The following A2ML1 variants were observed in gnomAD, a reference collection of about 807,000 sequenced individuals.
A2ML1 encodes the protein alpha-2-macroglobulin like 1.
Under a neutral mutation model 181.9 loss-of-function variants are expected in A2ML1, and 161 were observed. The observed-to-expected ratio is 0.89, with a 90% CI of 0.78 to 1.01. The LOEUF (loss-of-function observed/expected upper bound fraction) is 1.01, where lower values mean the gene tolerates loss of function less well. Ranked by LOEUF, A2ML1 falls within the 50% of genes least tolerant of loss-of-function variation. A2ML1 has a pLI of 0.00. For missense variants in A2ML1, 1,670 were observed against 1,768.1 expected (o/e 0.94, Z 1.00); for synonymous variants, 663 against 666.8 (o/e 0.99, Z 0.09).
downstream of A2ML1, among the ~76,000 whole-genome samples, chr12:8,877,647 C>A (rs1944825986): frequency 1.3e-5 from 2 of 152,128 alleles, no homozygotes; most frequent in South Asian, 4.2e-4. Flanking sequence ...ATACCATCCA[C>A]ACTAGTTAGA....
intron 30 of A2ML1, 59 bp from the exon 31 acceptor site, chr12:8,868,171 C>T: frequency 1.2e-6 from 2 of 1,611,352 alleles, no homozygotes; most frequent in Admixed American, 1.7e-5. Context: ...GTAGTTTGAA[C>T]TGTACAATCT....
In A2ML1 at chr12:8,854,165, C is replaced by G. The variant is rs1197986746; in HGVS notation, c.2628C>G (p.Asp876Glu). Residue 876 changes from aspartate to glutamate, a missense_variant, in exon 21 of 36, where the codon GAC (aspartate) becomes GAG (glutamate). By Grantham distance (45) the Asp-to-Glu change is conservative. Coordinates refer to ENST00000299698, the MANE Select transcript of A2ML1 (RefSeq NM_144670.6). ...TTACTATTAGTACAAAGATTCTGGA[C>G]AGCAATGAACCATGTGGGGGCCAGA... ...INFTISTKIL[D>E]SNEPCGGQKG... The G allele has an allele frequency of 1.2e-6, 2 of 1,605,164 alleles. No individual in the cohort carries two copies. Among genetic ancestry groups the G allele is most frequent in the East Asian group, 2.2e-5 (1 of 44,596 alleles).
rs1051912844 is a variant in A2ML1 at position 8,874,637 on chromosome 12, A to G, written c.4324+110A>G. ...TTAATTTTACAAATACTCCTTCCCA[A>G]GCCAAGTAGCACATAATTAAATTAT... On this transcript the variant is annotated intron_variant, in intron 34 of 35. Coordinates refer to ENST00000299698, the MANE Select transcript of A2ML1 (RefSeq NM_144670.6). The G allele has an allele frequency of 5.4e-5, 43 of 799,048 alleles. 1 individual carries two copies. The highest frequency in any genetic ancestry group is 3.7e-4 in the Admixed American group (14 of 37,406). The allele number at this position is 799,048 out of a possible 1,614,324, so 49.5% of individuals were successfully genotyped here. A position where few individuals can be genotyped will look rare whatever the true frequency, so the allele number is the denominator to read the frequency against.
rs1435627448 is a variant in A2ML1 at position 8,852,007 on chromosome 12, A to T, written c.2458A>T (p.Ile820Phe). 1 of 1,613,924 alleles carries T rather than the reference A, an allele frequency of 6.2e-7. No homozygotes were observed. Among genetic ancestry groups the T allele is most frequent in the Non-Finnish European group, 8.5e-7 (1 of 1,179,896 alleles). ...ATIFNYLKDC[I>F]RVQTDLAKSH... ...CATCTTCAATTACCTAAAGGATTGC[A>T]TCAGGGTGAGAGCTGGGGATACAGG... Residue 820 changes from isoleucine (I) to phenylalanine (F), a missense_variant, in exon 19 of 36, where the codon ATC (isoleucine) becomes TTC (phenylalanine). Coordinates refer to ENST00000299698, the MANE Select transcript of A2ML1 (RefSeq NM_144670.6). The surrounding 1 kb of genome is among the most constrained non-coding windows in gnomAD (Gnocchi z 4.2).
chr12:8,859,130 A>G (rs911712142), intron 26 of A2ML1, among the ~76,000 whole-genome samples: 1 of 151,832 alleles, frequency 6.6e-6, no homozygotes, highest in African/African-American at 2.4e-5. Flanking sequence ...TCTTCTGTTC[A>G]CTACCTTGTC....
chr12:8,857,388 C>T (rs1944104845), intron 24 of A2ML1, 48 bp downstream of exon 24: 2 of 1,587,884 alleles, frequency 1.3e-6, no homozygotes, highest in Admixed American at 3.4e-5. Flanking sequence ...TCCACTAGGC[C>T]CTATGACAGA....
chr12:8,854,221 A>G lies in A2ML1; in HGVS notation c.2684A>G (p.Asp895Gly), dbSNP rs755224931. The change falls in exon 21 of 36, where the codon GAC becomes GGC. Residue 895 changes from aspartate to glycine, a missense_variant. Physicochemically the swap from Asp to Gly is moderately conservative, Grantham distance 94. Coordinates refer to ENST00000299698, the MANE Select transcript of A2ML1 (RefSeq NM_144670.6). Reference sequence around the variant, plus strand: ...TTTGTTCCCCAAAAGGGCCGAAGTGACACGCTCATCAAGCCAGTTCTCGTC... The same window carrying G: ...TTTGTTCCCCAAAAGGGCCGAAGTGGCACGCTCATCAAGCCAGTTCTCGTC... ...KGFVPQKGRSDTLIKPVLVKP... is the reference protein window; with the variant it reads ...KGFVPQKGRSGTLIKPVLVKP... 6.2e-7 allele frequency: 1 copy of G among 1,608,548 alleles called. No homozygotes were observed. Among genetic ancestry groups the G allele is most frequent in the Non-Finnish European group, 8.5e-7 (1 of 1,177,272 alleles).
Position 8,867,588 on chromosome 12 carries a change from A to G in A2ML1, c.3718-254A>G, listed in dbSNP as rs778486993. On this transcript the variant is annotated intron_variant, in intron 29 of 35. Coordinates refer to ENST00000299698, the MANE Select transcript of A2ML1 (RefSeq NM_144670.6). ...CTTGAACCCAGGAAGCGGAGGTTGC[A>G]ATGAGCTGAGATCGTGCCATTGCAC... 6.6e-5 allele frequency among the ~76,000 whole-genome samples: 10 copies of G among 152,310 alleles called. No individual in the cohort carries two copies. In the South Asian group the frequency reaches 1.9e-3, roughly 28 times the overall value.
chr12:8,841,530 T>C lies in A2ML1; in HGVS notation c.1242T>C (p.Ser414=). The change falls in exon 11 of 36, where the codon TCT becomes TCC. Residue 414 remains serine, a synonymous_variant. Coordinates refer to ENST00000299698, the MANE Select transcript of A2ML1 (RefSeq NM_144670.6). ...ETSGWNGTDV[S]LEGKFQMEDL... ...CCGGTTGGAATGGGACAGACGTTTC[T>C]CTGGAGGTAAGCATGGACGGAGGAC... The C allele has an allele frequency of 6.2e-7, 1 of 1,612,610 alleles. No homozygotes were observed. The highest frequency in any genetic ancestry group is 1.7e-5 in the Admixed American group (1 of 59,760).
chr12:8,836,460 G>T, intron 7 of A2ML1, 121 bp downstream of exon 7: 13 of 645,006 alleles, frequency 2.0e-5, no homozygotes, highest in East Asian at 3.0e-5. Context: ...ATGTAATTCA[G>T]AGTCATGGCT....
rs769801611 is a variant in A2ML1 at position 8,843,377 on chromosome 12, G to A, written c.1476+16G>A. 1.3e-5 allele frequency: 21 copies of A among 1,609,374 alleles called. No individual in the cohort carries two copies. The highest frequency in any genetic ancestry group is 6.7e-5 in the Admixed American group (4 of 59,914). ...CTCCTACTATGTGAGACCGGGAAAC[G>A]GGGACGGGTGAGAGTATGCTGGGAA... On this transcript the variant is annotated intron_variant, in intron 12 of 35. Transcript: ENST00000299698.
intron 16 of A2ML1, 79 bp from the exon 17 acceptor site, chr12:8,849,590 G>C: frequency 8.8e-7 from 1 of 1,139,638 alleles, no homozygotes. Context: ...TCAACTCTTT[G>C]ATGGTGGAAT....
chr12:8,880,901 A>G (rs1164123006), downstream of A2ML1, among the ~76,000 whole-genome samples: 2 of 152,208 alleles, frequency 1.3e-5, no homozygotes, highest in Non-Finnish European at 1.5e-5. Flanking sequence ...GAGGCTTTTT[A>G]TGGAATATGT....
rs1555109423 is a variant in A2ML1, at chr12:8,841,021, A to AGGAAGGACAGAC, written c.1081-341_1081-340insCAGACGGAAGGA. On this transcript the variant is annotated intron_variant, in intron 10 of 35. Coordinates refer to ENST00000299698, the MANE Select transcript of A2ML1 (RefSeq NM_144670.6). ...AAGGAAGGAAGGAAGGACGGAAGGAAGGAAGGAAGGAAGGAAAGAAAAAAG... is the reference window on the plus strand; with the variant it reads ...AAGGAAGGAAGGAAGGACGGAAGGAAGGAAGGACAGACGGAAGGAAGGAAGGAAAGAAAAAAG... 4.9e-5 allele frequency among the ~76,000 whole-genome samples: 6 copies of AGGAAGGACAGAC among 122,890 alleles called. No homozygotes were observed. In the Admixed American group the frequency reaches 5.2e-4, roughly 11 times the overall value. The allele number at this position is 122,890 out of a possible 152,430, so 80.6% of individuals were successfully genotyped here. A position where few individuals can be genotyped will look rare whatever the true frequency, so the allele number is the denominator to read the frequency against.
chr12:8,840,868 C>T (rs1260999317), intron 10 of A2ML1, among the ~76,000 whole-genome samples: 8 of 150,362 alleles, frequency 5.3e-5, no homozygotes, highest in African/African-American at 1.5e-4. Context: ...GCTCGTCCCA[C>T]TGCACTCCAG....
chr12:8,845,208 C>G, intron 12 of A2ML1: 4 of 1,535,596 alleles, frequency 2.6e-6, no homozygotes, highest in Non-Finnish European at 3.5e-6. Flanking sequence ...CAGACTCCTC[C>G]CATCCACCTG....
At chr12:8,827,857 G>C (rs7967635) in intron 3 of A2ML1, among the ~76,000 whole-genome samples, 101,954 of 152,054 alleles carry the variant, frequency 0.67, 34,786 homozygotes, top group Middle Eastern at 0.83. Flanking sequence ...GCTCTTGAAG[G>C]CTCATAGAGG....
rs1465018225 is a variant in A2ML1, at chr12:8,848,898, T to C, written c.2012T>C (p.Leu671Pro). The change falls in exon 16 of 36, where the codon CTT (leucine) becomes CCT (proline). Residue 671 changes from leucine to proline, a missense_variant. Leu to Pro is a moderately conservative substitution (Grantham distance 98). Coordinates refer to ENST00000299698, the MANE Select transcript of A2ML1 (RefSeq NM_144670.6). ...CCCTCGTTCTCTGAAGGCACGGACCTTTTCAGCTTTTTCCGGGTAGGTCTT... is the reference window on the plus strand; with the variant it reads ...CCCTCGTTCTCTGAAGGCACGGACCCTTTCAGCTTTTTCCGGGTAGGTCTT... ...WRPSFSEGTD[L>P]FSFFRDVGLK... The C allele has an allele frequency of 6.2e-7, 1 of 1,611,074 alleles. No homozygotes were observed. Among genetic ancestry groups the C allele is most frequent in the Admixed American group, 1.7e-5 (1 of 59,280 alleles).
intron 9 of A2ML1, 31 bp from the exon 10 acceptor site, chr12:8,839,082 A>G: frequency 6.8e-7 from 1 of 1,467,844 alleles, no homozygotes; most frequent in South Asian, 1.2e-5. Flanking sequence ...TCAGGTGCCT[A>G]GATCTTTATA....
Sources: gnomAD v4.1 joint callset for allele counts (sites outside exome capture counted in the v4.1 genomes callset) on GRCh38, gnomAD v4.1.1 for gene constraint, Gnocchi (gnomAD v3.1) non-coding constraint, MANE v1.5 for transcripts, NCBI Gene and HGNC (gene_info 2026-07-23, HGNC 2026-07-21) for gene names.